Variants in TSPAN5 observed in about 807,000 individuals in gnomAD.
TSPAN5 encodes the protein tetraspanin 5, also known as tetraspanin-5.
TSPAN5 carries 10 observed loss-of-function variants against 37.1 expected under a neutral mutation model. The ratio of observed to expected loss-of-function variants is 0.27; its 90% CI spans 0.17 to 0.46. The LOEUF (loss-of-function observed/expected upper bound fraction) is 0.46, where lower values mean the gene tolerates loss of function less well. TSPAN5 is among the 20% of genes least tolerant of loss of function. The pLI is 1.00. For synonymous variants in TSPAN5, 110 were observed against 118.9 expected (o/e 0.93, Z 0.48); for missense variants, 195 against 326.6 (o/e 0.60, Z 3.11).
chr4:98,642,291 AAAC>A, intron 1 of TSPAN5, among the ~76,000 whole-genome samples: 1 of 152,342 alleles, frequency 6.6e-6, no homozygotes, highest in Non-Finnish European at 1.5e-5. Context: ...AATTCCACAG[AAAC>A]AACACTTAAA....
Position 98,549,177 on chromosome 4 carries a change from G to A in TSPAN5, c.82-41449C>T, listed in dbSNP as rs145189238. 4.3e-3 allele frequency among the ~76,000 whole-genome samples: 659 copies of A among 152,198 alleles called. 4 individuals are homozygous for A. The highest frequency in any genetic ancestry group is 0.014 in the Middle Eastern group (4 of 294). ...ATATTCCCACCAACAGTGTATAAGCGTTCCCTTTTCTCCACATGCTCACCA... is the reference window on the plus strand; with the variant it reads ...ATATTCCCACCAACAGTGTATAAGCATTCCCTTTTCTCCACATGCTCACCA... On this transcript the variant is annotated intron_variant, in intron 1 of 7. Coordinates refer to ENST00000305798, the MANE Select transcript of TSPAN5 (RefSeq NM_005723.4).
At chr4:98,658,039 C>A in intron 1 of TSPAN5, 107 bp downstream of exon 1, 1 of 993,712 alleles carries the variant, frequency 1.0e-6, no homozygotes, top group East Asian at 2.4e-5. Context: ...GCTGCTCCGG[C>A]AAGCGCCTGC....
At chr4:98,627,718 C>G (rs1756640810) in intron 1 of TSPAN5, among the ~76,000 whole-genome samples, 1 of 152,210 alleles carries the variant, frequency 6.6e-6, no homozygotes, top group Admixed American at 6.5e-5. Flanking sequence ...AATGACATCT[C>G]TCTTCTCCCT....
intron 1 of TSPAN5, among the ~76,000 whole-genome samples, chr4:98,645,422 A>G (rs1757044608): frequency 6.6e-6 from 1 of 152,240 alleles, no homozygotes; most frequent in African/African-American, 2.4e-5. Context: ...TGAGATTCAA[A>G]GTGAGATCAG....
intron 1 of TSPAN5, among the ~76,000 whole-genome samples, chr4:98,609,483 G>A (rs1429622592): frequency 1.3e-5 from 2 of 152,150 alleles, no homozygotes; most frequent in African/African-American, 4.8e-5. Context: ...GTGTGTACAG[G>A]CAGCCCATTC....
chr4:98,554,376 C>T (rs1754691341), intron 1 of TSPAN5, among the ~76,000 whole-genome samples: 1 of 151,794 alleles, frequency 6.6e-6, no homozygotes, highest in Non-Finnish European at 1.5e-5. Flanking sequence ...TTTAGTGAAG[C>T]TCAGTGTCTC....
intron 2 of TSPAN5, among the ~76,000 whole-genome samples, chr4:98,490,486 T>A (rs962816302): frequency 2.0e-5 from 3 of 152,138 alleles, no homozygotes; most frequent in Non-Finnish European, 4.4e-5. Flanking sequence ...ACAACAATCA[T>A]TGGGGGGCTG....
At chr4:98,614,463 C>T (rs138723954) in intron 1 of TSPAN5, among the ~76,000 whole-genome samples, 107 of 152,240 alleles carry the variant, frequency 7.0e-4, no homozygotes, top group Non-Finnish European at 1.1e-3. Flanking sequence ...AAACCCTAGG[C>T]CCAGCCAACT....
At chr4:98,544,641 A>G (rs1482102627) in intron 1 of TSPAN5, among the ~76,000 whole-genome samples, 2 of 152,172 alleles carry the variant, frequency 1.3e-5, no homozygotes, top group Admixed American at 1.3e-4. Context: ...AACAAGTACT[A>G]AAGGTGTGCG....
chr4:98,652,841 A>G (rs17027889), intron 1 of TSPAN5, among the ~76,000 whole-genome samples: 14,310 of 152,284 alleles, frequency 0.094, 837 homozygotes, highest in South Asian at 0.22. Flanking sequence ...AAATGAGTGC[A>G]ACATTTTGGC....
At chr4:98,500,014 G>A (rs561486973) in intron 2 of TSPAN5, among the ~76,000 whole-genome samples, 15 of 152,256 alleles carry the variant, frequency 9.9e-5, no homozygotes, top group African/African-American at 3.4e-4. Flanking sequence ...TGGGATAATT[G>A]AGGAAAAGAA....
intron 2 of TSPAN5, among the ~76,000 whole-genome samples, chr4:98,488,794 T>A (rs961875255): frequency 1.4e-4 from 21 of 152,182 alleles, no homozygotes; most frequent in African/African-American, 4.8e-4. Flanking sequence ...GGCTCACACC[T>A]GTAATCCCAA....
intron 1 of TSPAN5, among the ~76,000 whole-genome samples, chr4:98,572,692 G>C (rs947277137): frequency 6.6e-6 from 1 of 152,216 alleles, no homozygotes; most frequent in African/African-American, 2.4e-5. Flanking sequence ...CACAATCCTA[G>C]CACTAGCTGA....
intron 1 of TSPAN5, among the ~76,000 whole-genome samples, chr4:98,614,772 T>A (rs889843849): frequency 6.6e-6 from 1 of 152,206 alleles, no homozygotes; most frequent in Non-Finnish European, 1.5e-5. Flanking sequence ...TAAATCTGGA[T>A]GACGAATGCC....
At chr4:98,479,975 C>T (rs1055113216) in intron 4 of TSPAN5, among the ~76,000 whole-genome samples, 35 of 152,304 alleles carry the variant, frequency 2.3e-4, no homozygotes, top group Admixed American at 6.5e-4. Flanking sequence ...AACCTACCCC[C>T]ACCCTCACTA....
intron 1 of TSPAN5, among the ~76,000 whole-genome samples, chr4:98,621,324 T>C (rs6819238): frequency 0.57 from 86,154 of 150,282 alleles, 26,060 homozygotes; most frequent in African/African-American, 0.77. Flanking sequence ...ACCCAGTTTC[T>C]AGAACTTCAT....
intron 1 of TSPAN5, among the ~76,000 whole-genome samples, chr4:98,528,067 G>C (rs1753999536): frequency 6.6e-6 from 1 of 152,170 alleles, no homozygotes; most frequent in Non-Finnish European, 1.5e-5. Context: ...CAGGCAGAGA[G>C]ACCAGAAGGG....
chr4:98,511,924 AAAT>A (rs2110290374), intron 1 of TSPAN5, among the ~76,000 whole-genome samples: 1 of 152,218 alleles, frequency 6.6e-6, no homozygotes, highest in African/African-American at 2.4e-5. Flanking sequence ...TGAGGCTTAG[AAAT>A]TTTAAGGCCA....
At chr4:98,647,659 G>T (rs991242651) in intron 1 of TSPAN5, among the ~76,000 whole-genome samples, 1 of 152,112 alleles carries the variant, frequency 6.6e-6, no homozygotes, top group African/African-American at 2.4e-5. Context: ...GAGCCAAAAT[G>T]TTTTGCCATT....
Sources: gnomAD v4.1 joint callset for allele counts (sites outside exome capture counted in the v4.1 genomes callset) on GRCh38, gnomAD v4.1.1 for gene constraint, MANE v1.5 for transcripts, NCBI Gene and HGNC (gene_info 2026-07-23, HGNC 2026-07-21) for gene names.